The following RARB variants were observed in gnomAD, a reference collection of about 807,000 sequenced individuals.
The protein encoded by RARB is HBV-activated protein.
RARB carries 17 observed loss-of-function variants against 51.9 expected under a neutral mutation model. The ratio of observed to expected loss-of-function variants is 0.33; its 90% CI spans 0.22 to 0.49. The LOEUF is 0.49. Among genes scored for constraint, RARB ranks in the 20% least tolerant of loss-of-function variants. The probability of loss-of-function intolerance (pLI) is 0.99; values close to 1 mark genes in which losing one functional copy is unlikely to be tolerated. For missense variants in RARB, 369 were observed against 550.8 expected (o/e 0.67, Z 3.30); for synonymous variants, 215 against 195.4 (o/e 1.10, Z -0.84).
chr3:25,431,714 A>ACT (rs1708214212), intron 1 of RARB, among the ~76,000 whole-genome samples: 1 of 152,066 alleles, frequency 6.6e-6, no homozygotes. Flanking sequence ...TTTTCTCCCT[A>ACT]CTCAACACAT....
chr3:25,193,364 TTAAAA>T (rs1385008922), intron 5 of RARB, among the ~76,000 whole-genome samples: 3 of 152,022 alleles, frequency 2.0e-5, no homozygotes, highest in African/African-American at 7.2e-5. Flanking sequence ...GTTAAAAAAA[TTAAAA>T]TAAAAAAAAC....
At chr3:24,925,907 C>T (rs1265164070) in intron 2 of RARB, among the ~76,000 whole-genome samples, 3 of 151,940 alleles carry the variant, frequency 2.0e-5, no homozygotes, top group East Asian at 1.9e-4. Context: ...TATTTACCAA[C>T]GTGTAAGTTA....
At chr3:25,385,620 T>C (rs1187851671) in intron 5 of RARB, among the ~76,000 whole-genome samples, 3 of 152,196 alleles carry the variant, frequency 2.0e-5, no homozygotes, top group South Asian at 2.1e-4. Context: ...TCTGTATTAG[T>C]TGACCTCCTG....
chr3:25,001,169 T>A (rs542180754), intron 2 of RARB, among the ~76,000 whole-genome samples: 15 of 152,136 alleles, frequency 9.9e-5, no homozygotes, highest in African/African-American at 3.4e-4. Context: ...CTTAAGTAGA[T>A]GAGACAGTTT....
At chr3:25,046,169 G>GA (rs1236185541) in intron 2 of RARB, among the ~76,000 whole-genome samples, 2 of 152,120 alleles carry the variant, frequency 1.3e-5, no homozygotes, top group African/African-American at 2.4e-5. Context: ...AAGGCATGGA[G>GA]AAAAAAACCG....
chr3:25,032,951 G>C (rs1279267685), intron 2 of RARB, among the ~76,000 whole-genome samples: 2 of 152,148 alleles, frequency 1.3e-5, no homozygotes, highest in Non-Finnish European at 2.9e-5. Context: ...CAACCCATAA[G>C]CAGTACTCAG....
At chr3:25,379,804 G>A (rs1416693905) in intron 5 of RARB, among the ~76,000 whole-genome samples, 1 of 152,150 alleles carries the variant, frequency 6.6e-6, no homozygotes, top group African/African-American at 2.4e-5. Context: ...ATCTTAGAAT[G>A]AAGACTTTTT....
At position 25,316,823 on chromosome 3, in the gene RARB, C is replaced by T. The variant is rs114909892; in HGVS notation, c.178+142248C>T. ...TTGGAGACATTTTAATAAATGGAAC[C>T]GATGACTATAAAGGACAGAGAAAAT... On this transcript the variant is annotated intron_variant, in intron 5 of 11. Transcript: ENST00000383772. 1.7e-3 allele frequency among the ~76,000 whole-genome samples: 266 copies of T among 152,110 alleles called. 1 individual carries two copies. Among genetic ancestry groups the T allele is most frequent in the African/African-American group, 5.8e-3 (242 of 41,498 alleles).
At chr3:25,150,418 A>G (rs929809217) in intron 4 of RARB, among the ~76,000 whole-genome samples, 5 of 152,186 alleles carry the variant, frequency 3.3e-5, no homozygotes, top group Non-Finnish European at 5.9e-5. Context: ...TGAACAGTTA[A>G]GCCAGTGAAA....
intron 4 of RARB, among the ~76,000 whole-genome samples, chr3:25,166,042 T>C (rs953980440): frequency 6.6e-6 from 1 of 152,094 alleles, no homozygotes; most frequent in African/African-American, 2.4e-5. Flanking sequence ...GAGGAAGCTA[T>C]TTAGATTTCA....
intron 5 of RARB, among the ~76,000 whole-genome samples, chr3:25,357,591 C>T (rs1224836197): frequency 6.6e-6 from 1 of 152,150 alleles, no homozygotes; most frequent in Non-Finnish European, 1.5e-5. Flanking sequence ...TTGCCCATGC[C>T]TATGTCCTGA....
intron 2 of RARB, among the ~76,000 whole-genome samples, chr3:24,950,369 C>G (rs6808962): frequency 0.089 from 13,576 of 152,166 alleles, 1,501 homozygotes; most frequent in African/African-American, 0.26. Context: ...TGCAAATGCC[C>G]TAGAGATCCA....
chr3:24,867,668 A>G (rs1051210003), intron 2 of RARB, among the ~76,000 whole-genome samples: 1 of 152,078 alleles, frequency 6.6e-6, no homozygotes, highest in Admixed American at 6.6e-5. Context: ...AGAAGTGGGG[A>G]GTGTGCTCAG....
intron 1 of RARB, among the ~76,000 whole-genome samples, chr3:25,453,826 C>G (rs1694744883): frequency 6.6e-6 from 1 of 152,188 alleles, no homozygotes; most frequent in Admixed American, 6.5e-5. Flanking sequence ...CAAAGCCCAA[C>G]AATGATATTT....
chr3:25,069,258 A>G (rs2125307595), intron 3 of RARB, among the ~76,000 whole-genome samples: 1 of 151,858 alleles, frequency 6.6e-6, no homozygotes, highest in South Asian at 2.1e-4. Context: ...AAATAAACTC[A>G]TTGATATTGA....
At position 25,183,724 on chromosome 3, in the gene RARB, A is replaced by G. The variant is rs188762436; in HGVS notation, c.178+9149A>G. On this transcript the variant is annotated intron_variant, in intron 5 of 11. Transcript: ENST00000383772. ...ATTTATCGTACAAACTTACATATTG[A>G]CTTTGCCTCAGCTTCTAGTGTCCAG... Among the ~76,000 whole-genome samples, 417 of 152,248 alleles carry G rather than the reference A, an allele frequency of 2.7e-3. 2 individuals carry two copies. Among genetic ancestry groups the G allele is most frequent in the African/African-American group, 9.7e-3 (402 of 41,550 alleles).
chr3:24,895,558 T>C (rs201101685), intron 2 of RARB, among the ~76,000 whole-genome samples: 3 of 134,154 alleles, frequency 2.2e-5, no homozygotes, highest in East Asian at 2.5e-4. Flanking sequence ...AAATTTACGC[T>C]TTTTTTTTTC....
At chr3:25,325,105 G>A (rs535217685) in intron 5 of RARB, among the ~76,000 whole-genome samples, 1 of 152,220 alleles carries the variant, frequency 6.6e-6, no homozygotes, top group East Asian at 1.9e-4. Context: ...GCTAAACAAG[G>A]GGCGGCTTAT....
At chr3:24,872,364 C>G (rs138172813) in intron 2 of RARB, among the ~76,000 whole-genome samples, 1 of 152,298 alleles carries the variant, frequency 6.6e-6, no homozygotes, top group East Asian at 1.9e-4. Context: ...TCATCTCTGT[C>G]AAGTCTTCAC....
Sources: allele counts gnomAD v4.1 joint callset (sites outside exome capture counted in the v4.1 genomes callset), GRCh38; gene constraint gnomAD v4.1.1; transcripts MANE v1.5; gene names NCBI Gene and HGNC (gene_info 2026-07-23, HGNC 2026-07-21).